The following ASB16 variants were observed in gnomAD, a reference collection of about 807,000 sequenced individuals.
ASB16 encodes ankyrin repeat and SOCS box protein 16.
ASB16 carries 44 observed loss-of-function variants against 39.1 expected under a neutral mutation model. The ratio of observed to expected loss-of-function variants is 1.13; its 90% confidence interval spans 0.88 to 1.45. The LOEUF is 1.45. Ranked by LOEUF, ASB16 falls within the 40% of genes most tolerant of loss-of-function variation. The probability of loss-of-function intolerance (pLI) is 0.00; values close to 1 mark genes in which losing one functional copy is unlikely to be tolerated. For missense variants in ASB16, 698 were observed against 634.5 expected (o/e 1.10, Z -1.07); for synonymous variants, 305 against 286.7 (o/e 1.06, Z -0.64).
intron 3 of ASB16, 54 bp from the exon 4 acceptor site, chr17:44,177,555 G>A (rs1480909765): frequency 1.3e-6 from 2 of 1,587,530 alleles, no homozygotes; most frequent in Admixed American, 1.7e-5. Flanking sequence ...GCAAGACTTG[G>A]GTCTGCCCTC....
Position 44,170,819 on chromosome 17 carries a change from C to T in ASB16, c.30C>T (p.Ser10=). 2 of 1,609,198 alleles carry T rather than the reference C, an allele frequency of 1.2e-6. No homozygotes were observed. Among genetic ancestry groups the T allele is most frequent in the Non-Finnish European group, 1.7e-6 (2 of 1,178,066 alleles). ...CAAGAGAGACCTTCCCCTTCACCTC[C>T]TCCATGCTGCGCTCTCTCCGCCTGC... The part of the protein sequence containing the change: MARETFPFT[S]SMLRSLRLQQ... Residue 10 remains serine (S), a synonymous_variant, in exon 1 of 5, where the codon TCC becomes TCT. Coordinates refer to ENST00000293414, the MANE Select transcript of ASB16 (RefSeq NM_080863.5).
Position 44,177,033 on chromosome 17 carries a change from C to A in ASB16, c.865C>A (p.His289Asn). ...AAGRKRHTPL[H>N]NACANGCGGL... ...CGGGCGCAAGCGCCACACGCCGCTG[C>A]ACAACGCTTGTGCCAACGGCTGCGG... is the stretch of plus-strand genomic sequence containing the variant. The change falls in exon 3 of 5, where the codon CAC becomes AAC. Residue 289 changes from histidine (H) to asparagine (N), a missense_variant. Transcript: ENST00000293414. 2.0e-6 allele frequency: 3 copies of A among 1,492,728 alleles called. No homozygotes were observed. Among genetic ancestry groups the A allele is most frequent in the South Asian group, 2.5e-5 (2 of 79,124 alleles). 92.5% of individuals were successfully genotyped at this position (1,492,728 alleles called of 1,614,324 possible).
intron 1 of ASB16, 147 bp from the exon 2 acceptor site, chr17:44,171,899 C>G (rs2054245641): frequency 1.3e-6 from 1 of 769,906 alleles, no homozygotes; most frequent in Admixed American, 2.9e-5. Flanking sequence ...AATAAGCCCC[C>G]TTCCACAGGT....
Position 44,177,185 on chromosome 17 carries a change from T to C in ASB16, c.1017T>C (p.Leu339=). 6 of 1,538,376 alleles carry C rather than the reference T, an allele frequency of 3.9e-6. No individual in the cohort carries two copies. Among genetic ancestry groups the C allele is most frequent in the Non-Finnish European group, 5.2e-6 (6 of 1,143,068 alleles). The stretch of plus-strand genomic sequence containing the variant: ...CCCCCAACTGGGAGCCTGAAGTCCT[T>C]TTCGCCGCACTGCTGGACTACGGGG... The part of the protein sequence containing the change: ...QDSPNWEPEV[L]FAALLDYGAQ... Residue 339 remains leucine (L), a synonymous_variant, in exon 3 of 5, where the codon CTT becomes CTC. Transcript: ENST00000293414.
Position 44,178,479 on chromosome 17 carries a change from T to TCC in ASB16, c.*90_*91insCC. The TCC allele has an allele frequency of 2.2e-6, 3 of 1,376,078 alleles. No homozygotes were observed. The highest frequency in any genetic ancestry group is 2.9e-6 in the Non-Finnish European group (3 of 1,026,772). 85.2% of individuals were successfully genotyped at this position (1,376,078 alleles called of 1,614,324 possible). ...GGAGGACCAGTTCCTGGCCCTCTTT[T>TCC]CTTTTCTTTTTGAGACCTAGTCTCA... On this transcript the variant is annotated 3_prime_UTR_variant, in exon 5 of 5. Coordinates refer to ENST00000293414, the MANE Select transcript of ASB16 (RefSeq NM_080863.5).
chr17:44,178,683 G>T lies in ASB16; in HGVS notation c.*293G>T. On this transcript the variant is annotated 3_prime_UTR_variant, in exon 5 of 5. Transcript: ENST00000293414. ...GACAGGGTCTCACCATGTTGGCCAG[G>T]CTGGTCTCACACTGACCTCAGGTGA... The T allele has an allele frequency of 4.8e-6, 2 of 414,870 alleles. No homozygotes were observed. 25.7% of individuals were successfully genotyped at this position (414,870 alleles called of 1,614,324 possible).
At position 44,178,571 on chromosome 17, in the gene ASB16, C is replaced by G; in HGVS notation, c.*181C>G. The G allele has an allele frequency of 3.0e-6, 2 of 664,956 alleles. No individual in the cohort carries two copies. The highest frequency in any genetic ancestry group is 5.0e-6 in the Non-Finnish European group (2 of 401,950). 41.2% of individuals were successfully genotyped at this position (664,956 alleles called of 1,614,324 possible). On this transcript the variant is annotated 3_prime_UTR_variant, in exon 5 of 5. Transcript: ENST00000293414. Reference sequence around the variant, plus strand: ...CACTGCAACTTCTACCACCTAGGTTCAAGCGATTCTTGTGCCCCAAACTTC... The same window carrying G: ...CACTGCAACTTCTACCACCTAGGTTGAAGCGATTCTTGTGCCCCAAACTTC...
At chr17:44,176,251 G>A in intron 2 of ASB16, 1 of 166,010 alleles carries the variant, frequency 6.0e-6, no homozygotes, top group Non-Finnish European at 1.3e-5. Flanking sequence ...CCAGCTACTT[G>A]GGAGGCAGAG....
In ASB16 at chr17:44,177,618, C is replaced by A; in HGVS notation, c.1072C>A (p.His358Asn). Residue 358 changes from histidine to asparagine, a missense_variant, in exon 4 of 5, where the codon CAC (histidine) becomes AAC (asparagine). Transcript: ENST00000293414. ...AQPVRPEMLKHCANFPRALEV... is the reference protein window; with the variant it reads ...AQPVRPEMLKNCANFPRALEV... ...CTCTTTTGACCCCTAGATGCTGAAACACTGCGCCAACTTCCCTCGGGCCCT... is the reference window on the plus strand; with the variant it reads ...CTCTTTTGACCCCTAGATGCTGAAAAACTGCGCCAACTTCCCTCGGGCCCT... The A allele has an allele frequency of 6.2e-7, 1 of 1,613,650 alleles. No individual in the cohort carries two copies. Among genetic ancestry groups the A allele is most frequent in the South Asian group, 1.1e-5 (1 of 91,062 alleles).
chr17:44,170,991 G>A lies in ASB16; in HGVS notation c.202G>A (p.Gly68Ser), dbSNP rs1048746941. The change falls in exon 1 of 5, where the codon GGC (glycine) becomes AGC (serine). Residue 68 changes from glycine to serine, a missense_variant. Gly to Ser is a moderately conservative substitution (Grantham distance 56). Coordinates refer to ENST00000293414, the MANE Select transcript of ASB16 (RefSeq NM_080863.5). ...AGCTGTCCACCAAGCCCTCTTCTCCGGCAACCTGCAGCAGGTCCAAGCCCT... is the reference window on the plus strand; with the variant it reads ...AGCTGTCCACCAAGCCCTCTTCTCCAGCAACCTGCAGCAGGTCCAAGCCCT... ...DPAVHQALFS[G>S]NLQQVQALFQ... is the part of the protein sequence containing the mutation. 1.4e-5 allele frequency: 22 copies of A among 1,613,804 alleles called. No individual in the cohort carries two copies. The highest frequency in any genetic ancestry group is 1.6e-4 in the Middle Eastern group (1 of 6,066).
At chr17:44,172,017 C>T (rs1172519591) in intron 1 of ASB16, 29 bp from the exon 2 acceptor site, 1 of 1,597,418 alleles carries the variant, frequency 6.3e-7, no homozygotes, top group East Asian at 2.2e-5. Context: ...TCTTATACAC[C>T]ACCTCCCAAA....
At chr17:44,175,598 CAG>C (rs1179187109) in intron 2 of ASB16, among the ~76,000 whole-genome samples, 1 of 152,090 alleles carries the variant, frequency 6.6e-6, no homozygotes, top group Non-Finnish European at 1.5e-5. Context: ...ATTTGATTAT[CAG>C]AGTTTCATCG....
At chr17:44,172,718 T>G (rs909319344) in intron 2 of ASB16, among the ~76,000 whole-genome samples, 1 of 97,636 alleles carries the variant, frequency 1.0e-5, no homozygotes, top group Non-Finnish European at 1.7e-5. Context: ...CTCTGCCTCC[T>G]GGGTTCAAAT....
intron 2 of ASB16, 117 bp downstream of exon 2, chr17:44,172,430 G>A (rs1346726423): frequency 1.1e-5 from 13 of 1,182,104 alleles, no homozygotes; most frequent in African/African-American, 1.5e-5. Flanking sequence ...ATAAAGCACC[G>A]CATATACACA....
At chr17:44,178,072 C>A in intron 4 of ASB16, 133 bp from the exon 5 acceptor site, 1 of 944,408 alleles carries the variant, frequency 1.1e-6, no homozygotes, top group Non-Finnish European at 1.6e-6. Flanking sequence ...CTCTATGGTT[C>A]TGAATCTGAG....
intron 2 of ASB16, chr17:44,176,423 GAC>G (rs2054290930): frequency 4.4e-6 from 2 of 455,544 alleles, no homozygotes; most frequent in South Asian, 4.4e-5. Flanking sequence ...TTGGGGTGGA[GAC>G]AGAGTAGACT....
At chr17:44,177,757 G>T in intron 4 of ASB16, 35 bp downstream of exon 4, 1 of 1,604,458 alleles carries the variant, frequency 6.2e-7, no homozygotes, top group South Asian at 1.1e-5. Flanking sequence ...GGGGAGGAGG[G>T]ACGAGCCACA....
At chr17:44,171,930 C>T (rs2144179648) in intron 1 of ASB16, 116 bp from the exon 2 acceptor site, 1 of 1,105,992 alleles carries the variant, frequency 9.0e-7, no homozygotes. Flanking sequence ...AGTGTTTGTG[C>T]TCAGCAAACC....
chr17:44,177,591 C>A lies in ASB16; in HGVS notation c.1063-18C>A, dbSNP rs1390271272. The A allele has an allele frequency of 6.2e-7, 1 of 1,611,300 alleles. No individual in the cohort carries two copies. The highest frequency in any genetic ancestry group is 8.5e-7 in the Non-Finnish European group (1 of 1,178,442). ...GGGTGGGGGAGGCATGTGCCCAAGA[C>A]CCTCTTTTGACCCCTAGATGCTGAA... is the stretch of plus-strand genomic sequence containing the variant. On this transcript the variant is annotated intron_variant, in intron 3 of 4. Transcript: ENST00000293414.
Sources: allele counts gnomAD v4.1 joint callset (sites outside exome capture counted in the v4.1 genomes callset), GRCh38; gene constraint gnomAD v4.1.1; transcripts MANE v1.5; gene names NCBI Gene and HGNC (gene_info 2026-07-23, HGNC 2026-07-21).